OGG1: variants seen among roughly 807,000 people sequenced by gnomAD.
OGG1 encodes 8-oxoguanine DNA glycosylase, also known as N-glycosylase/DNA lyase.
A neutral mutation model predicts 42.3 loss-of-function variants in OGG1; 35 were observed. The ratio of observed to expected loss-of-function variants is 0.83; its 90% CI spans 0.63 to 1.10. The LOEUF is 1.10. Among genes scored for constraint, OGG1 ranks in the 50% least tolerant of loss-of-function variants. The pLI, the probability that OGG1 is intolerant of heterozygous loss-of-function variation, is 0.00. For synonymous variants in OGG1, 189 were observed against 179.0 expected (o/e 1.06, Z -0.44); for missense variants, 484 against 446.7 (o/e 1.08, Z -0.75).
At chr3:9,759,651 A>C (rs916163430), downstream of OGG1, 1 of 1,614,044 alleles carries the variant, frequency 6.2e-7, no homozygotes, top group African/African-American at 1.3e-5. Context: ...GCCCCAGCTC[A>C]CAGGTTGTGT....
intron 7 of OGG1, among the ~76,000 whole-genome samples, chr3:9,765,560 A>T (rs1238168405): frequency 6.6e-6 from 1 of 152,216 alleles, no homozygotes; most frequent in Non-Finnish European, 1.5e-5. Context: ...CACATCTGTC[A>T]TGTTAGGCCA....
At position 9,757,076 on chromosome 3, in the gene OGG1, G is replaced by A. The variant is rs3219014; in HGVS notation, c.964G>A (p.Asp322Asn). ...GWAQAVLFSADLRQSRHAQEP... is the reference protein window; with the variant it reads ...GWAQAVLFSANLRQSRHAQEP... Reference sequence around the variant, plus strand: ...CCTCCTACAGGTGCTGTTCAGTGCCGACCTGCGCCAATCCCGCCATGCTCA... The same window carrying A: ...CCTCCTACAGGTGCTGTTCAGTGCCAACCTGCGCCAATCCCGCCATGCTCA... Residue 322 changes from aspartate (D) to asparagine (N), a missense_variant, in exon 7 of 7, where the codon GAC becomes AAC. Transcript: ENST00000344629. This position sits in a 1 kb window ranked among gnomAD's most constrained non-coding sequence, Gnocchi z 4.5. The A allele has an allele frequency of 2.2e-4, 352 of 1,614,026 alleles. 3 individuals carry two copies. Among genetic ancestry groups the A allele is most frequent in the African/African-American group, 2.0e-3 (152 of 75,036 alleles).
chr3:9,752,237 A>C (rs2077335892), intron 3 of OGG1: 2 of 495,380 alleles, frequency 4.0e-6, no homozygotes, highest in Admixed American at 7.0e-5. Flanking sequence ...TTCTGGGGAC[A>C]GACCCATGCC....
chr3:9,776,298 C>A (rs1194617522), intron 2 of OGG1, among the ~76,000 whole-genome samples: 1 of 152,124 alleles, frequency 6.6e-6, no homozygotes, highest in African/African-American at 2.4e-5. Flanking sequence ...CTCCCTGAAG[C>A]CTTTCCTGAC....
chr3:9,763,420 A>C (rs982206700), intron 7 of OGG1, among the ~76,000 whole-genome samples: 6 of 151,776 alleles, frequency 4.0e-5, no homozygotes, highest in African/African-American at 1.5e-4. Flanking sequence ...AAAAAAAAAA[A>C]AACAGCGGTT....
At chr3:9,785,208 C>T in intron 3 of OGG1, 1 of 792,024 alleles carries the variant, frequency 1.3e-6, no homozygotes. Context: ...TTAGGCTTCA[C>T]CTAACTGCCC....
intron 3 of OGG1, among the ~76,000 whole-genome samples, chr3:9,784,609 A>C (rs2078561375): frequency 6.6e-6 from 1 of 152,128 alleles, no homozygotes; most frequent in Non-Finnish European, 1.5e-5. Flanking sequence ...TCACACCTGT[A>C]ATCCCAGCAC....
downstream of OGG1, chr3:9,759,851 C>T: frequency 6.2e-7 from 1 of 1,600,948 alleles, no homozygotes; most frequent in Non-Finnish European, 8.5e-7. Flanking sequence ...GGCATCAAGA[C>T]AAAGAGGCCA....
chr3:9,768,870 C>T (rs1047482393), downstream of OGG1, among the ~76,000 whole-genome samples: 1 of 152,120 alleles, frequency 6.6e-6, no homozygotes, highest in African/African-American at 2.4e-5. Flanking sequence ...GCCCACCCAT[C>T]CAGGGGCAGA....
chr3:9,750,265 C>T lies in OGG1; in HGVS notation c.-22C>T, dbSNP rs2077231293. On this transcript the variant is annotated 5_prime_UTR_variant, in exon 1 of 7. The change creates a new upstream start codon in the 5' untranslated region. Transcript: ENST00000344629. ...TGGTTCTGGGTAGGCGGGGCTACTA[C>T]GGGGCGGTGCCTGCTGTGGAAATGC... The T allele has an allele frequency of 1.2e-6, 2 of 1,602,534 alleles. No homozygotes were observed. Among genetic ancestry groups the T allele is most frequent in the Non-Finnish European group, 1.7e-6 (2 of 1,174,010 alleles).
rs1169737965 is a variant in OGG1, at chr3:9,750,984, A to C, written c.177A>C (p.Leu59=). Residue 59 remains leucine (L), a synonymous_variant, in exon 2 of 7, where the codon CTA becomes CTC. Transcript: ENST00000344629. Reference sequence around the variant, plus strand: ...GTCCTGCACACTGGAGTGGTGTACTAGCGGATCAAGTATGGACACTGACTC... The same window carrying C: ...GTCCTGCACACTGGAGTGGTGTACTCGCGGATCAAGTATGGACACTGACTC... The part of the protein sequence containing the change: ...EQSPAHWSGV[L]ADQVWTLTQT... 1 of 1,614,088 alleles carries C rather than the reference A, an allele frequency of 6.2e-7. No homozygotes were observed. The highest frequency in any genetic ancestry group is 1.3e-5 in the African/African-American group (1 of 75,032).
chr3:9,757,991 A>G, downstream of OGG1: 6 of 1,352,088 alleles, frequency 4.4e-6, no homozygotes, highest in South Asian at 9.2e-5. The surrounding 1 kb of genome is among the most constrained non-coding windows in gnomAD (Gnocchi z 4.5). Context: ...AGCCCCCCAA[A>G]AACCTCTACA....
At chr3:9,771,799 T>C (rs913537865) in intron 2 of OGG1, among the ~76,000 whole-genome samples, 2 of 148,684 alleles carry the variant, frequency 1.3e-5, no homozygotes, top group African/African-American at 2.5e-5. Flanking sequence ...TTTCGAGGAC[T>C]TGTACAACTT....
At chr3:9,750,497 A>G (rs2077250259) in intron 1 of OGG1, 74 bp downstream of exon 1, 2 of 1,598,082 alleles carry the variant, frequency 1.3e-6, no homozygotes, top group African/African-American at 1.3e-5. Flanking sequence ...GGCATGGGGT[A>G]CAAAGGAATT....
chr3:9,786,950 A>T, intron 3 of OGG1: 1 of 1,475,992 alleles, frequency 6.8e-7, no homozygotes, highest in South Asian at 1.2e-5. Flanking sequence ...AAAAATAAGC[A>T]TAACACATTA....
chr3:9,778,913 T>C (rs973820484), intron 2 of OGG1, among the ~76,000 whole-genome samples: 1 of 152,142 alleles, frequency 6.6e-6, no homozygotes, highest in Non-Finnish European at 1.5e-5. Context: ...TCGCCCTCCT[T>C]CTTTATGGCT....
Position 9,750,308 on chromosome 3 carries a change from C to T in OGG1, c.22C>T (p.Pro8Ser). 6.2e-7 allele frequency: 1 copy of T among 1,612,906 alleles called. No homozygotes were observed. Among genetic ancestry groups the T allele is most frequent in the Non-Finnish European group, 8.5e-7 (1 of 1,179,436 alleles). The change falls in exon 1 of 7, where the codon CCC becomes TCC. Residue 8 changes from proline to serine, a missense_variant. Coordinates refer to ENST00000344629, the MANE Select transcript of OGG1 (RefSeq NM_002542.6). ...GGAAATGCCTGCCCGCGCGCTTCTG[C>T]CCAGGCGCATGGGGCATCGTACTCT... MPARALL[P>S]RRMGHRTLAS...
At chr3:9,769,334 C>T (rs2078243046), downstream of OGG1, among the ~76,000 whole-genome samples, 1 of 152,044 alleles carries the variant, frequency 6.6e-6, no homozygotes, top group African/African-American at 2.4e-5. Context: ...TATTCCAAAC[C>T]AAACCCCAAG....
chr3:9,753,531 G>A (rs1383065980), intron 3 of OGG1, among the ~76,000 whole-genome samples: 1 of 151,796 alleles, frequency 6.6e-6, no homozygotes, highest in East Asian at 1.9e-4. Flanking sequence ...GTGGGCGCCT[G>A]TAGTCCCAGC....
Sources: gnomAD v4.1 joint callset for allele counts (sites outside exome capture counted in the v4.1 genomes callset) on GRCh38, gnomAD v4.1.1 for gene constraint, Gnocchi (gnomAD v3.1) non-coding constraint, MANE v1.5 for transcripts, NCBI Gene and HGNC (gene_info 2026-07-23, HGNC 2026-07-21) for gene names.